Variants in PCSK2 observed in about 807,000 individuals in gnomAD.
PCSK2 encodes the protein proprotein convertase subtilisin/kexin type 2.
A neutral mutation model predicts 69.7 loss-of-function variants in PCSK2; 14 were observed. The ratio of observed to expected loss-of-function variants is 0.20; its 90% CI spans 0.13 to 0.31. PCSK2 has a LOEUF of 0.31. Among genes scored for constraint, PCSK2 ranks in the 10% least tolerant of loss-of-function variants. The pLI is 1.00. For missense variants in PCSK2, 544 were observed against 842.5 expected (o/e 0.65, Z 4.39); for synonymous variants, 307 against 320.7 (o/e 0.96, Z 0.46).
chr20:17,260,121 GT>G, intron 1 of PCSK2, 118 bp from the exon 2 acceptor site: 1 of 689,756 alleles, frequency 1.4e-6, no homozygotes, highest in South Asian at 1.7e-5. Flanking sequence ...TTTGCCAGTG[GT>G]TTCCTTGCAT....
intron 2 of PCSK2, among the ~76,000 whole-genome samples, chr20:17,268,033 G>GTATATATATATATATATA (rs753655282): frequency 0.026 from 1,682 of 64,366 alleles, 61 homozygotes; most frequent in Non-Finnish European, 0.036. Context: ...TATCCAATGT[G>GTATATATATATATATATA]TATATATATA....
intron 1 of PCSK2, among the ~76,000 whole-genome samples, chr20:17,235,834 G>T (rs1345312566): frequency 6.6e-6 from 1 of 152,022 alleles, no homozygotes; most frequent in Non-Finnish European, 1.5e-5. Context: ...TTGTGAGATG[G>T]TAAACATCTC....
intron 2 of PCSK2, among the ~76,000 whole-genome samples, chr20:17,327,342 A>G (rs1990089383): frequency 2.0e-5 from 3 of 152,048 alleles, no homozygotes; most frequent in Admixed American, 1.3e-4. Flanking sequence ...GGTCGGGGCT[A>G]TGTCAACTTT....
intron 6 of PCSK2, among the ~76,000 whole-genome samples, chr20:17,413,862 C>A (rs1246371776): frequency 5.9e-5 from 9 of 152,184 alleles, no homozygotes; most frequent in Admixed American, 4.6e-4. Context: ...CAAATTAGAA[C>A]TCAGGATTAA....
chr20:17,365,380 T>G (rs982393977), intron 4 of PCSK2, among the ~76,000 whole-genome samples: 2 of 152,156 alleles, frequency 1.3e-5, no homozygotes, highest in Non-Finnish European at 2.9e-5. Context: ...CAACTAGGGA[T>G]TAAGTTTCAA....
At chr20:17,267,643 G>C (rs2123015703) in intron 2 of PCSK2, among the ~76,000 whole-genome samples, 1 of 152,126 alleles carries the variant, frequency 6.6e-6, no homozygotes, top group East Asian at 1.9e-4. Context: ...AGTAAGCCTG[G>C]TTTTTTTCTA....
At chr20:17,243,513 A>T (rs147006528) in intron 1 of PCSK2, among the ~76,000 whole-genome samples, 1 of 152,350 alleles carries the variant, frequency 6.6e-6, no homozygotes, top group Non-Finnish European at 1.5e-5. Flanking sequence ...TAATTATAGC[A>T]ATAGGAGTCC....
rs187133565 is a variant in PCSK2, at chr20:17,280,981, T to C, written c.282+20637T>C. Among the ~76,000 whole-genome samples the C allele has an allele frequency of 1.5e-3, 233 of 152,334 alleles. 2 individuals are homozygous for C. Among genetic ancestry groups the C allele is most frequent in the African/African-American group, 5.4e-3 (225 of 41,588 alleles). ...GAAGGTCTTTCAAGCAATATGACTA[T>C]AATTTGCAACCAAATCTGATCTCCC... On this transcript the variant is annotated intron_variant, in intron 2 of 11. Transcript: ENST00000262545.
intron 3 of PCSK2, 28 bp downstream of exon 3, chr20:17,358,468 T>A: frequency 8.4e-7 from 1 of 1,188,378 alleles, no homozygotes. Context: ...CTTTTGGACA[T>A]TTCCCATCTT....
intron 6 of PCSK2, among the ~76,000 whole-genome samples, chr20:17,419,974 T>G (rs1170970055): frequency 6.6e-6 from 1 of 152,088 alleles, no homozygotes; most frequent in African/African-American, 2.4e-5. Context: ...TTACTATAAA[T>G]TCAGGAAGAG....
intron 1 of PCSK2, among the ~76,000 whole-genome samples, chr20:17,245,603 A>C (rs556494804): frequency 6.6e-6 from 1 of 152,312 alleles, no homozygotes; most frequent in African/African-American, 2.4e-5. Flanking sequence ...AAAGTAACAG[A>C]GAATGCTAGC....
chr20:17,306,913 A>G (rs1373728828), intron 2 of PCSK2, among the ~76,000 whole-genome samples: 2 of 152,218 alleles, frequency 1.3e-5, no homozygotes, highest in South Asian at 2.1e-4. Flanking sequence ...CTTTGAATCT[A>G]AATGTCATGC....
intron 2 of PCSK2, among the ~76,000 whole-genome samples, chr20:17,326,822 C>T (rs1327622810): frequency 2.0e-5 from 3 of 152,164 alleles, no homozygotes; most frequent in Non-Finnish European, 4.4e-5. Context: ...CCACCTGAGA[C>T]GTGCTCAGAG....
intron 2 of PCSK2, among the ~76,000 whole-genome samples, chr20:17,292,093 C>T (rs1203720119): frequency 6.6e-6 from 1 of 152,088 alleles, no homozygotes; most frequent in African/African-American, 2.4e-5. Flanking sequence ...TTAGGAAGGT[C>T]GAATACAGCG....
At chr20:17,358,513 C>T in intron 3 of PCSK2, 73 bp downstream of exon 3, 1 of 836,382 alleles carries the variant, frequency 1.2e-6, no homozygotes. Flanking sequence ...CCTGTATCCT[C>T]ATTATTCACT....
chr20:17,331,565 A>G (rs893444972), intron 2 of PCSK2, among the ~76,000 whole-genome samples: 1 of 152,210 alleles, frequency 6.6e-6, no homozygotes, highest in Non-Finnish European at 1.5e-5. Context: ...GACCCTTCCC[A>G]GGATAAGCTC....
chr20:17,228,768 T>C (rs1986030005), intron 1 of PCSK2, among the ~76,000 whole-genome samples: 1 of 152,180 alleles, frequency 6.6e-6, no homozygotes, highest in African/African-American at 2.4e-5. Flanking sequence ...TCCCTCCTCC[T>C]AAGGGCGTAG....
intron 11 of PCSK2, among the ~76,000 whole-genome samples, chr20:17,475,984 C>T (rs998323594): frequency 2.6e-5 from 4 of 152,226 alleles, no homozygotes; most frequent in African/African-American, 7.2e-5. Flanking sequence ...TGCAACTGTG[C>T]TTCTCAAAGA....
intron 5 of PCSK2, among the ~76,000 whole-genome samples, chr20:17,395,335 A>G (rs1007083378): frequency 2.0e-5 from 3 of 152,254 alleles, no homozygotes; most frequent in African/African-American, 4.8e-5. Flanking sequence ...TGATTTTGCT[A>G]TCATTTAATA....
Sources: allele counts gnomAD v4.1 joint callset (sites outside exome capture counted in the v4.1 genomes callset), GRCh38; gene constraint gnomAD v4.1.1; transcripts MANE v1.5; gene names NCBI Gene and HGNC (gene_info 2026-07-23, HGNC 2026-07-21).